PLXDC2: variants seen among roughly 807,000 people sequenced by gnomAD.
PLXDC2 encodes the protein plexin domain-containing protein 2.
A neutral mutation model predicts 68.9 loss-of-function variants in PLXDC2; 40 were observed. That is an observed-to-expected ratio of 0.58 (90% CI 0.45 to 0.76). The LOEUF is 0.76. Among genes scored for constraint, PLXDC2 ranks in the 30% least tolerant of loss-of-function variants. The pLI is 0.00. For missense variants in PLXDC2, 644 were observed against 661.9 expected (o/e 0.97, Z 0.30); for synonymous variants, 243 against 234.2 (o/e 1.04, Z -0.34).
intron 9 of PLXDC2, among the ~76,000 whole-genome samples, chr10:20,189,504 T>TATATATATATATATATATACAC (rs1554773611): frequency 2.5e-5 from 3 of 121,594 alleles, no homozygotes; most frequent in African/African-American, 9.1e-5. Context: ...TATATATATA[T>TATATATATATATATATATACAC]ACACATACAC....
intron 13 of PLXDC2, among the ~76,000 whole-genome samples, chr10:20,257,384 A>G (rs567803035): frequency 3.9e-5 from 6 of 152,306 alleles, no homozygotes; most frequent in Admixed American, 2.6e-4. Context: ...ACTAGAAGGC[A>G]TGTGTGTGCA....
chr10:19,888,181 T>G (rs1303705525), intron 1 of PLXDC2, among the ~76,000 whole-genome samples: 1 of 152,206 alleles, frequency 6.6e-6, no homozygotes. Flanking sequence ...GGGCTATTGC[T>G]TTGCCAAAAG....
chr10:20,046,722 A>G lies in PLXDC2; in HGVS notation c.325-147A>G, dbSNP rs574087862. ...TGTGTGTGTGCACATTTACTTATTTAATCCAAATTCACTTCTCCTAGAGTA... is the reference window on the plus strand; with the variant it reads ...TGTGTGTGTGCACATTTACTTATTTGATCCAAATTCACTTCTCCTAGAGTA... On this transcript the variant is annotated intron_variant, in intron 2 of 13. Coordinates refer to ENST00000377252, the MANE Select transcript of PLXDC2 (RefSeq NM_032812.9). The G allele has an allele frequency of 6.9e-5, 49 of 705,116 alleles. 1 individual carries two copies. In the South Asian group the frequency reaches 1.4e-3, roughly 19 times the overall value. 43.7% of individuals were successfully genotyped at this position (705,116 alleles called of 1,614,324 possible). A position where few individuals can be genotyped will look rare whatever the true frequency, so the allele number is the denominator to read the frequency against.
At chr10:20,001,588 T>C (rs2131637364) in intron 1 of PLXDC2, among the ~76,000 whole-genome samples, 187 bp from the exon 2 acceptor site, 1 of 152,310 alleles carries the variant, frequency 6.6e-6, no homozygotes, top group South Asian at 2.1e-4. Flanking sequence ...TGGTGTTTCC[T>C]GCAATTGCAT....
At chr10:20,044,045 C>A (rs570224314) in intron 2 of PLXDC2, among the ~76,000 whole-genome samples, 12 of 149,390 alleles carry the variant, frequency 8.0e-5, no homozygotes, top group African/African-American at 2.9e-4. Flanking sequence ...TGAACAAGTC[C>A]AGTAGTAGGT....
chr10:19,953,911 C>G (rs541803163), intron 1 of PLXDC2, among the ~76,000 whole-genome samples: 1 of 151,760 alleles, frequency 6.6e-6, no homozygotes, highest in Admixed American at 6.6e-5. Context: ...GTTTTAATTT[C>G]AAAGAGTCTG....
chr10:19,915,698 C>T (rs1176659178), intron 1 of PLXDC2, among the ~76,000 whole-genome samples: 2 of 152,046 alleles, frequency 1.3e-5, no homozygotes, highest in African/African-American at 4.8e-5. Flanking sequence ...TCTGTCTTCT[C>T]CGTCTCTACC....
intron 3 of PLXDC2, among the ~76,000 whole-genome samples, chr10:20,064,183 C>T (rs1187087989): frequency 6.6e-6 from 1 of 150,486 alleles, no homozygotes; most frequent in African/African-American, 2.4e-5. Flanking sequence ...AATGTTTACA[C>T]TGTAGTAATT....
chr10:20,108,616 C>A (rs538316327), intron 4 of PLXDC2, among the ~76,000 whole-genome samples: 2 of 152,172 alleles, frequency 1.3e-5, no homozygotes, highest in East Asian at 3.9e-4. Flanking sequence ...CATAACACTT[C>A]GCCAGTACTT....
At chr10:19,846,381 T>C (rs1837010958) in intron 1 of PLXDC2, among the ~76,000 whole-genome samples, 1 of 152,150 alleles carries the variant, frequency 6.6e-6, no homozygotes, top group Admixed American at 6.5e-5. Context: ...TATGAAGTGA[T>C]TAAATCTCGA....
chr10:20,117,563 A>C (rs1408802328), intron 4 of PLXDC2, among the ~76,000 whole-genome samples: 1 of 152,228 alleles, frequency 6.6e-6, no homozygotes, highest in African/African-American at 2.4e-5. Flanking sequence ...CCATCCACAC[A>C]GGGATAAACA....
intron 5 of PLXDC2, among the ~76,000 whole-genome samples, chr10:20,146,051 C>A (rs12762265): frequency 0.31 from 47,520 of 152,114 alleles, 9,765 homozygotes; most frequent in Non-Finnish European, 0.47. Context: ...GAAACGGGTT[C>A]ATGCAGATTA....
intron 1 of PLXDC2, among the ~76,000 whole-genome samples, chr10:19,944,060 C>A (rs1035582930): frequency 6.6e-6 from 1 of 152,096 alleles, no homozygotes; most frequent in African/African-American, 2.4e-5. Context: ...AATTTCATAA[C>A]GATTTGAAGA....
intron 4 of PLXDC2, among the ~76,000 whole-genome samples, chr10:20,089,118 A>G (rs757520780): frequency 1.1e-4 from 16 of 152,054 alleles, no homozygotes; most frequent in East Asian, 1.9e-4. Flanking sequence ...GAACATTAAC[A>G]TAAGTAAAAT....
At chr10:19,977,103 A>T (rs1175357178) in intron 1 of PLXDC2, among the ~76,000 whole-genome samples, 1 of 152,090 alleles carries the variant, frequency 6.6e-6, no homozygotes, top group African/African-American at 2.4e-5. Flanking sequence ...ACTTGTTTAT[A>T]TTAGAGGCAT....
intron 1 of PLXDC2, among the ~76,000 whole-genome samples, chr10:19,964,415 C>T (rs890388108): frequency 6.6e-6 from 1 of 152,322 alleles, no homozygotes; most frequent in East Asian, 1.9e-4. Flanking sequence ...CAATCTCCAG[C>T]TTCCCATTCC....
intron 4 of PLXDC2, among the ~76,000 whole-genome samples, chr10:20,094,537 C>A (rs970080644): frequency 2.3e-5 from 3 of 127,974 alleles, no homozygotes; most frequent in African/African-American, 9.6e-5. Context: ...TGCCTTACAA[C>A]TGAGTTTGTT....
At chr10:20,248,709 A>C (rs1564366554) in intron 13 of PLXDC2, among the ~76,000 whole-genome samples, 1 of 152,248 alleles carries the variant, frequency 6.6e-6, no homozygotes, top group Non-Finnish European at 1.5e-5. Context: ...CACTGTTTAC[A>C]AAATCAAAAC....
chr10:19,987,766 T>G (rs1489282204), intron 1 of PLXDC2, among the ~76,000 whole-genome samples: 6 of 151,896 alleles, frequency 4.0e-5, no homozygotes, highest in East Asian at 1.9e-4. Flanking sequence ...GGGTTTCACC[T>G]TGTTGGCCAG....
Sources: gnomAD v4.1 joint callset for allele counts (sites outside exome capture counted in the v4.1 genomes callset) on GRCh38, gnomAD v4.1.1 for gene constraint, MANE v1.5 for transcripts, NCBI Gene and HGNC (gene_info 2026-07-23, HGNC 2026-07-21) for gene names.